The following SLC35B3 variants were observed in gnomAD, a reference collection of about 807,000 sequenced individuals.
SLC35B3 encodes the protein adenosine 3'-phospho 5'-phosphosulfate transporter 2.
A neutral mutation model predicts 44.1 loss-of-function variants in SLC35B3; 35 were observed. The observed-to-expected ratio is 0.79, with a 90% confidence interval of 0.61 to 1.05. The LOEUF is 1.05. Among genes scored for constraint, SLC35B3 ranks in the 50% least tolerant of loss-of-function variants. The pLI, the probability that SLC35B3 is intolerant of heterozygous loss-of-function variation, is 0.00. For missense variants in SLC35B3, 414 were observed against 476.4 expected (o/e 0.87, Z 1.22); for synonymous variants, 146 against 167.3 (o/e 0.87, Z 0.98).
chr6:8,427,331 A>C (rs941307149), intron 4 of SLC35B3, among the ~76,000 whole-genome samples: 1 of 152,176 alleles, frequency 6.6e-6, no homozygotes, highest in African/African-American at 2.4e-5. Context: ...CCTAGGAGGA[A>C]AGAAAGGTTT....
chr6:8,419,841 A>G lies in SLC35B3; in HGVS notation c.683-164T>C, dbSNP rs1215389622. ...ATATTCTTATTCACAATCGGTTGTA[A>G]CAAGTACATATGTGATGATATTAAA... On this transcript the variant is annotated intron_variant, in intron 6 of 10. Transcript: ENST00000644923. The surrounding 1 kb of genome is among the most constrained non-coding windows in gnomAD (Gnocchi z 4.3). 6.6e-6 allele frequency among the ~76,000 whole-genome samples: 1 copy of G among 152,196 alleles called. No individual in the cohort carries two copies.
At position 8,434,990 on chromosome 6, in the gene SLC35B3, G is replaced by A; in HGVS notation, c.-44+353C>T. 1.2e-6 allele frequency: 1 copy of A among 813,208 alleles called. No individual in the cohort carries two copies. Among genetic ancestry groups the A allele is most frequent in the Non-Finnish European group, 1.7e-6 (1 of 604,866 alleles). The allele number at this position is 813,208 out of a possible 1,614,324, so 50.4% of individuals were successfully genotyped here. A position where few individuals can be genotyped will look rare whatever the true frequency, so the allele number is the denominator to read the frequency against. Reference sequence around the variant, plus strand: ...ACACGGAACGAGGAAACAGTTAACTGTAAATACAGTCTAGAGGTATCCAGG... The same window carrying A: ...ACACGGAACGAGGAAACAGTTAACTATAAATACAGTCTAGAGGTATCCAGG... On this transcript the variant is annotated intron_variant, in intron 1 of 10. Coordinates refer to ENST00000644923, the MANE Select transcript of SLC35B3 (RefSeq NM_001370476.2). The surrounding 1 kb of genome is among the most constrained non-coding windows in gnomAD (Gnocchi z 6.3).
chr6:8,424,259 A>AT (rs367984191), intron 4 of SLC35B3, among the ~76,000 whole-genome samples: 7 of 150,794 alleles, frequency 4.6e-5, no homozygotes, highest in Non-Finnish European at 4.4e-5. Flanking sequence ...TGGGGAGAAA[A>AT]TTTTTTTTTT....
intron 5 of SLC35B3, among the ~76,000 whole-genome samples, chr6:8,421,097 G>C (rs1561751879): frequency 6.6e-6 from 1 of 152,090 alleles, no homozygotes. Context: ...CTGACAGCAA[G>C]AATAATGCAC....
chr6:8,429,577 T>C (rs1274894791), intron 3 of SLC35B3, among the ~76,000 whole-genome samples: 1 of 152,168 alleles, frequency 6.6e-6, no homozygotes, highest in African/African-American at 2.4e-5. Flanking sequence ...AATACGTGAA[T>C]CATTGCTTTC....
rs2113385966 is a variant in SLC35B3 at position 8,422,536 on chromosome 6, G to A, written c.508C>T (p.Pro170Ser). The A allele has an allele frequency of 6.2e-7, 1 of 1,613,194 alleles. No individual in the cohort carries two copies. Among genetic ancestry groups the A allele is most frequent in the East Asian group, 2.2e-5 (1 of 44,824 alleles). The change falls in exon 5 of 11, where the codon CCT (proline) becomes TCT (serine). Residue 170 changes from proline (P) to serine (S), a missense_variant. Physicochemically the swap from Pro to Ser is moderately conservative, Grantham distance 74. Coordinates refer to ENST00000644923, the MANE Select transcript of SLC35B3 (RefSeq NM_001370476.2). ...CAGCACTTGAAGATGACTTGGGTAG[G>A]GTAATTCAGGTAGCCCAAGGAAGTG...
chr6:8,434,968 C>T lies in SLC35B3; in HGVS notation c.-44+375G>A. Reference sequence around the variant, plus strand: ...TTGGAGTGCCCCTATTTAATAAACACGGAACGAGGAAACAGTTAACTGTAA... The same window carrying T: ...TTGGAGTGCCCCTATTTAATAAACATGGAACGAGGAAACAGTTAACTGTAA... On this transcript the variant is annotated intron_variant, in intron 1 of 10. Coordinates refer to ENST00000644923, the MANE Select transcript of SLC35B3 (RefSeq NM_001370476.2). The surrounding 1 kb of genome is among the most constrained non-coding windows in gnomAD (Gnocchi z 6.3). 1 of 622,334 alleles carries T rather than the reference C, an allele frequency of 1.6e-6. No homozygotes were observed. The highest frequency in any genetic ancestry group is 2.2e-6 in the Non-Finnish European group (1 of 444,580). 38.6% of individuals were successfully genotyped at this position (622,334 alleles called of 1,614,324 possible). A position where few individuals can be genotyped will look rare whatever the true frequency, so the allele number is the denominator to read the frequency against.
Position 8,417,440 on chromosome 6 carries a change from T to C in SLC35B3, c.835A>G (p.Thr279Ala), listed in dbSNP as rs1453004882. The change falls in exon 8 of 11, where the codon ACT becomes GCT. Residue 279 changes from threonine (T) to alanine (A), a missense_variant. By Grantham distance (58) the Thr-to-Ala change is moderately conservative. Transcript: ENST00000644923. ...GTTACTGCAGGGCCTAATCCACTAG[T>C]GCATGTCAATCCCAGTAAAATGTAT... The C allele has an allele frequency of 1.2e-6, 2 of 1,607,056 alleles. No homozygotes were observed. The highest frequency in any genetic ancestry group is 8.5e-7 in the Non-Finnish European group (1 of 1,177,002).
intron 9 of SLC35B3, among the ~76,000 whole-genome samples, chr6:8,415,796 T>G (rs1315979747): frequency 1.3e-5 from 2 of 152,200 alleles, no homozygotes; most frequent in Non-Finnish European, 2.9e-5. Flanking sequence ...ATGTTCCCTC[T>G]TCTCCTGCTA....
In SLC35B3 at chr6:8,432,197, AATCACTC is replaced by A. The variant is rs1284997559; in HGVS notation, c.4-2047_4-2041del. 2.0e-5 allele frequency among the ~76,000 whole-genome samples: 3 copies of A among 151,986 alleles called. No individual in the cohort carries two copies. The highest frequency in any genetic ancestry group is 4.4e-5 in the Non-Finnish European group (3 of 68,014). The stretch of plus-strand genomic sequence containing the variant: ...TTGATACCCTCAAACTTCAGCTTGC[AATCACTC>A]ACCTTCTGCTTGGATACGATTTTTG... On this transcript the variant is annotated intron_variant, in intron 2 of 10. Transcript: ENST00000644923. This position sits in a 1 kb window ranked among gnomAD's most constrained non-coding sequence, Gnocchi z 4.8.
At position 8,433,919 on chromosome 6, in the gene SLC35B3, A is replaced by G. The variant is rs1391527032; in HGVS notation, c.3+466T>C. ...CATCATCTAAAAAAAAAAATGGGCC[A>G]AACTCCTTGTGATGCAAGGAGCAAA... On this transcript the variant is annotated intron_variant, in intron 2 of 10. Transcript: ENST00000644923. The surrounding 1 kb of genome is among the most constrained non-coding windows in gnomAD (Gnocchi z 4.1). Among the ~76,000 whole-genome samples, 1 of 151,518 alleles carries G rather than the reference A, an allele frequency of 6.6e-6. No individual in the cohort carries two copies. The highest frequency in any genetic ancestry group is 1.5e-5 in the Non-Finnish European group (1 of 67,958).
rs1192924069 is a variant in SLC35B3, at chr6:8,434,158, C to CA, written c.3+226dup. 4.6e-5 allele frequency among the ~76,000 whole-genome samples: 7 copies of CA among 151,700 alleles called. No homozygotes were observed. Among genetic ancestry groups the CA allele is most frequent in the Admixed American group, 4.6e-4 (7 of 15,238 alleles). On this transcript the variant is annotated intron_variant, in intron 2 of 10. Coordinates refer to ENST00000644923, the MANE Select transcript of SLC35B3 (RefSeq NM_001370476.2). This position sits in a 1 kb window ranked among gnomAD's most constrained non-coding sequence, Gnocchi z 6.3. ...ATAAAAAGGTAGCATTTCCGGCATA[C>CA]AATGTATATTTAAAAATTAAAATTA...
chr6:8,415,807 C>A (rs768160353), intron 9 of SLC35B3, among the ~76,000 whole-genome samples: 1 of 152,066 alleles, frequency 6.6e-6, no homozygotes, highest in Non-Finnish European at 1.5e-5. Flanking sequence ...TCTCCTGCTA[C>A]TAGGTGTGGT....
At chr6:8,427,262 A>G (rs1029765783) in intron 4 of SLC35B3, among the ~76,000 whole-genome samples, 1 of 152,136 alleles carries the variant, frequency 6.6e-6, no homozygotes, top group Non-Finnish European at 1.5e-5. Context: ...AATGGGGAAA[A>G]TGTCTCTAGA....
At chr6:8,422,272 G>T (rs1370920090) in intron 5 of SLC35B3, among the ~76,000 whole-genome samples, 198 bp downstream of exon 4, 1 of 152,070 alleles carries the variant, frequency 6.6e-6, no homozygotes, top group Non-Finnish European at 1.5e-5. Context: ...CACAGTGCTG[G>T]GATTACAGGC....
At chr6:8,429,704 G>A (rs1581267486) in intron 3 of SLC35B3, 160 bp downstream of exon 2, 1 of 301,472 alleles carries the variant, frequency 3.3e-6, no homozygotes, top group East Asian at 5.7e-5. Flanking sequence ...CTTGAATTTT[G>A]ATCTGTTAAG....
At chr6:8,429,132 G>A (rs1379054052) in intron 3 of SLC35B3, among the ~76,000 whole-genome samples, 1 of 152,062 alleles carries the variant, frequency 6.6e-6, no homozygotes, top group Non-Finnish European at 1.5e-5. Context: ...CTCAAGTTAT[G>A]GGAAAATATC....
In SLC35B3 at chr6:8,428,081, T is replaced by C. The variant is rs200982208; in HGVS notation, c.298-23A>G. ...TTCCTGTCAAAAGACACATGAACAC[T>C]GTTAAGTCCAAGGCAGCACACTAAT... On this transcript the variant is annotated intron_variant, in intron 3 of 10. Coordinates refer to ENST00000644923, the MANE Select transcript of SLC35B3 (RefSeq NM_001370476.2). The C allele has an allele frequency of 2.2e-5, 34 of 1,533,878 alleles. No homozygotes were observed. In the African/African-American group the frequency reaches 3.3e-4, roughly 15 times the overall value.
In SLC35B3 at chr6:8,420,592, CA is replaced by C; in HGVS notation, c.682+128del. On this transcript the variant is annotated intron_variant, in intron 6 of 10. Transcript: ENST00000644923. This position sits in a 1 kb window ranked among gnomAD's most constrained non-coding sequence, Gnocchi z 4.4. ...TTCACTACATCTTATATGGAAAGTC[CA>C]AAAGCTTTATGTTAGATATGAAAAT... The C allele has an allele frequency of 1.6e-6, 1 of 621,054 alleles. No homozygotes were observed. Among genetic ancestry groups the C allele is most frequent in the Non-Finnish European group, 2.8e-6 (1 of 354,406 alleles). 38.5% of individuals were successfully genotyped at this position (621,054 alleles called of 1,614,324 possible).
Sources: gnomAD v4.1 joint callset for allele counts (sites outside exome capture counted in the v4.1 genomes callset) on GRCh38, gnomAD v4.1.1 for gene constraint, Gnocchi (gnomAD v3.1) non-coding constraint, MANE v1.5 for transcripts, NCBI Gene and HGNC (gene_info 2026-07-23, HGNC 2026-07-21) for gene names.